The following LTBP1 variants were observed in gnomAD, a reference collection of about 807,000 sequenced individuals.
LTBP1 encodes the protein latent-transforming growth factor beta-binding protein 1.
In LTBP1, 129 loss-of-function variants were observed where a neutral mutation model predicts 207.6. The ratio of observed to expected loss-of-function variants is 0.62; its 90% CI spans 0.54 to 0.72. LTBP1 has a LOEUF of 0.72. LTBP1 is among the 30% of genes least tolerant of loss of function. LTBP1 has a pLI of 0.00. For synonymous variants in LTBP1, 963 were observed against 833.7 expected (o/e 1.16, Z -2.67); for missense variants, 2,281 against 2,217.2 (o/e 1.03, Z -0.58).
intron 15 of LTBP1, among the ~76,000 whole-genome samples, chr2:33,263,742 A>C (rs1258566380): frequency 6.6e-6 from 1 of 151,982 alleles, no homozygotes; most frequent in Non-Finnish European, 1.5e-5. Context: ...TCACAAGGTC[A>C]AGAGATCGAG....
At position 33,247,583 on chromosome 2, in the gene LTBP1, A is replaced by G. The variant is rs187132052; in HGVS notation, c.1999+3799A>G. 1.1e-4 allele frequency among the ~76,000 whole-genome samples: 17 copies of G among 152,352 alleles called. No homozygotes were observed. In the East Asian group the frequency reaches 2.9e-3, roughly 26 times the overall value. On this transcript the variant is annotated intron_variant, in intron 10 of 33. Coordinates refer to ENST00000404816, the MANE Select transcript of LTBP1 (RefSeq NM_206943.4). The stretch of plus-strand genomic sequence containing the variant: ...GTTGAGAAGTTACAACAGAAATCAT[A>G]TGGCACACAAAGCCTAAAATACTTA...
At chr2:33,148,943 G>A (rs913405166) in intron 5 of LTBP1, among the ~76,000 whole-genome samples, 2 of 151,990 alleles carry the variant, frequency 1.3e-5, no homozygotes, top group African/African-American at 4.8e-5. Flanking sequence ...GGCTGGGCGC[G>A]GTGGCTCATG....
At chr2:33,133,788 G>T (rs1434373975) in intron 4 of LTBP1, among the ~76,000 whole-genome samples, 1 of 152,214 alleles carries the variant, frequency 6.6e-6, no homozygotes, top group African/African-American at 2.4e-5. Flanking sequence ...AAAGTTAGAA[G>T]TGTGTAGAAA....
At chr2:32,995,273 G>A (rs1199980798) in intron 2 of LTBP1, among the ~76,000 whole-genome samples, 1 of 152,106 alleles carries the variant, frequency 6.6e-6, no homozygotes, top group Non-Finnish European at 1.5e-5. Flanking sequence ...ATGTTATAGG[G>A]CAGTGCCTCT....
At chr2:33,268,531 T>C (rs1003476936) in intron 15 of LTBP1, among the ~76,000 whole-genome samples, 1 of 152,230 alleles carries the variant, frequency 6.6e-6, no homozygotes, top group Non-Finnish European at 1.5e-5. Context: ...AGGAAATACG[T>C]GTGATGTTTT....
intron 5 of LTBP1, among the ~76,000 whole-genome samples, chr2:33,138,714 T>C (rs2082341847): frequency 1.3e-5 from 2 of 152,204 alleles, no homozygotes; most frequent in African/African-American, 2.4e-5. Flanking sequence ...GTATAACTTA[T>C]TTGTGGAGAC....
chr2:33,231,489 A>T (rs2091786223), intron 9 of LTBP1, among the ~76,000 whole-genome samples: 2 of 152,216 alleles, frequency 1.3e-5, no homozygotes, highest in African/African-American at 2.4e-5. Context: ...AATATTCTGC[A>T]TAAGGACTTT....
At chr2:33,215,683 G>A (rs2090617471) in intron 7 of LTBP1, among the ~76,000 whole-genome samples, 1 of 150,572 alleles carries the variant, frequency 6.6e-6, no homozygotes, top group Non-Finnish European at 1.5e-5. Context: ...CTAGCCTGGG[G>A]TATGGATGCT....
At chr2:32,994,422 C>G (rs573591905) in intron 2 of LTBP1, among the ~76,000 whole-genome samples, 61 of 152,088 alleles carry the variant, frequency 4.0e-4, no homozygotes, top group African/African-American at 1.4e-3. Context: ...CAAGATTATA[C>G]CATCTGTTAA....
intron 5 of LTBP1, among the ~76,000 whole-genome samples, chr2:33,154,376 A>G (rs2083782080): frequency 6.6e-6 from 1 of 152,168 alleles, no homozygotes; most frequent in Admixed American, 6.5e-5. Context: ...CTTCCCAGTG[A>G]GTAATACTCT....
chr2:33,328,344 C>T lies in LTBP1; in HGVS notation c.3730+13075C>T, dbSNP rs556578869. ...ATAGCACTTACCACTATCCTGACTT[C>T]ATTATTGTAGATTCGTTCTGCCTGG... On this transcript the variant is annotated intron_variant, in intron 24 of 33. Transcript: ENST00000404816. Among the ~76,000 whole-genome samples the T allele has an allele frequency of 2.3e-3, 352 of 152,200 alleles. 1 individual carries two copies. Among genetic ancestry groups the T allele is most frequent in the Middle Eastern group, 6.8e-3 (2 of 294 alleles).
At chr2:33,315,291 C>G (rs754704299) in intron 24 of LTBP1, 22 bp downstream of exon 24, 8 of 1,608,914 alleles carry the variant, frequency 5.0e-6, no homozygotes, top group Non-Finnish European at 6.8e-6. Context: ...CATACGAAAT[C>G]ATATTGTTGT....
At chr2:33,275,265 A>G (rs988661265) in intron 17 of LTBP1, among the ~76,000 whole-genome samples, 175 bp downstream of exon 17, 3 of 152,174 alleles carry the variant, frequency 2.0e-5, no homozygotes, top group Non-Finnish European at 4.4e-5. Flanking sequence ...TTCCCCTAAC[A>G]TTTTTGAAGA....
intron 13 of LTBP1, 22 bp from the exon 14 acceptor site, chr2:33,262,700 C>A (rs1310122548): frequency 2.3e-6 from 3 of 1,289,956 alleles, no homozygotes; most frequent in African/African-American, 1.5e-5. Flanking sequence ...TTCTTATTCT[C>A]TTTTAAAATA....
At position 33,020,936 on chromosome 2, in the gene LTBP1, G is replaced by C; in HGVS notation, c.593G>C (p.Gly198Ala). The change falls in exon 3 of 34, where the codon GGA becomes GCA. Residue 198 changes from glycine to alanine, a missense_variant. Gly to Ala is a moderately conservative substitution (Grantham distance 60, BLOSUM62 0). Coordinates refer to ENST00000404816, the MANE Select transcript of LTBP1 (RefSeq NM_206943.4). ...AGCTGTGTTCCGCCATGTCAGAATGGAGGGATGTGTCTCCGGCCACAACTC... is the reference window on the plus strand; with the variant it reads ...AGCTGTGTTCCGCCATGTCAGAATGCAGGGATGTGTCTCCGGCCACAACTC... ...KPSCVPPCQN[G>A]GMCLRPQLCV... is the part of the protein sequence containing the mutation. The C allele has an allele frequency of 6.3e-7, 1 of 1,594,414 alleles. No individual in the cohort carries two copies. The highest frequency in any genetic ancestry group is 8.6e-7 in the Non-Finnish European group (1 of 1,165,364).
chr2:33,297,539 C>G (rs2148930324), intron 20 of LTBP1, among the ~76,000 whole-genome samples: 2 of 152,116 alleles, frequency 1.3e-5, no homozygotes, highest in South Asian at 4.2e-4. Context: ...TCAAGTGATT[C>G]TTCTGCCTCA....
At chr2:33,286,317 C>T (rs149775602) in intron 19 of LTBP1, among the ~76,000 whole-genome samples, 39 of 152,284 alleles carry the variant, frequency 2.6e-4, no homozygotes, top group Admixed American at 2.5e-3. Flanking sequence ...TAACCAAGAC[C>T]TGGCACAGAG....
intron 24 of LTBP1, among the ~76,000 whole-genome samples, chr2:33,337,445 A>C (rs2094565858): frequency 6.6e-6 from 1 of 152,150 alleles, no homozygotes; most frequent in South Asian, 2.1e-4. Flanking sequence ...GTAATTTTTT[A>C]TTGGGAAATT....
At chr2:33,343,107 A>G in intron 25 of LTBP1, 144 bp downstream of exon 25, 1 of 1,037,164 alleles carries the variant, frequency 9.6e-7, no homozygotes. Flanking sequence ...GGATGTGCAA[A>G]AATATCCTAT....
Sources: gnomAD v4.1 joint callset for allele counts (sites outside exome capture counted in the v4.1 genomes callset) on GRCh38, gnomAD v4.1.1 for gene constraint, MANE v1.5 for transcripts, NCBI Gene and HGNC (gene_info 2026-07-23, HGNC 2026-07-21) for gene names.